RALGAPA2: variants seen among roughly 807,000 people sequenced by gnomAD.
RALGAPA2 encodes Ral GTPase activating protein catalytic subunit alpha 2.
RALGAPA2 carries 139 observed loss-of-function variants against 230.4 expected under a neutral mutation model. The ratio of observed to expected loss-of-function variants is 0.60; its 90% CI spans 0.53 to 0.69. The LOEUF (loss-of-function observed/expected upper bound fraction) is 0.69, where lower values mean the gene tolerates loss of function less well. Ranked by LOEUF, RALGAPA2 falls within the 30% of genes least tolerant of loss-of-function variation. The pLI is 0.00. For missense variants in RALGAPA2, 2,163 were observed against 2,276.0 expected (o/e 0.95, Z 1.01); for synonymous variants, 847 against 837.8 (o/e 1.01, Z -0.19).
At chr20:20,490,733 GCCTCCCATGTGCAAA>G (rs960424632) in intron 36 of RALGAPA2, among the ~76,000 whole-genome samples, 4 of 152,112 alleles carry the variant, frequency 2.6e-5, no homozygotes, top group Non-Finnish European at 5.9e-5. Flanking sequence ...GCTCCTCTCA[GCCTCCCATGTGCAAA>G]TGCTCTTGTA....
intron 16 of RALGAPA2, 69 bp downstream of exon 16, chr20:20,601,613 C>A: frequency 6.8e-7 from 1 of 1,472,972 alleles, no homozygotes; most frequent in Non-Finnish European, 9.2e-7. Context: ...ATTTTTAACA[C>A]ACTTTATGCC....
At chr20:20,629,200 T>C (rs1186195460) in intron 10 of RALGAPA2, among the ~76,000 whole-genome samples, 163 bp downstream of exon 10, 1 of 152,146 alleles carries the variant, frequency 6.6e-6, no homozygotes, top group African/African-American at 2.4e-5. Context: ...AATTAAAAGA[T>C]TAGAGGGATC....
intron 37 of RALGAPA2, among the ~76,000 whole-genome samples, chr20:20,422,714 C>G (rs576861948): frequency 2.0e-5 from 3 of 152,334 alleles, no homozygotes; most frequent in African/African-American, 4.8e-5. Flanking sequence ...GCCCTCCAGG[C>G]AGATAGTGGC....
chr20:20,593,606 G>C (rs2065360748), intron 16 of RALGAPA2, among the ~76,000 whole-genome samples: 1 of 152,228 alleles, frequency 6.6e-6, no homozygotes, highest in African/African-American at 2.4e-5. Context: ...AGTATCAGAA[G>C]GGGGAGCCCA....
At chr20:20,529,382 T>C (rs984529544) in intron 27 of RALGAPA2, among the ~76,000 whole-genome samples, 6 of 152,222 alleles carry the variant, frequency 3.9e-5, no homozygotes, top group African/African-American at 7.2e-5. Context: ...TGGTGTCTTA[T>C]ATTTTCCCCC....
At chr20:20,542,167 G>A (rs1405931086) in intron 24 of RALGAPA2, among the ~76,000 whole-genome samples, 2 of 151,952 alleles carry the variant, frequency 1.3e-5, no homozygotes, top group African/African-American at 2.4e-5. Context: ...CAACTGCTAC[G>A]AAGAGAATAA....
chr20:20,458,414 A>G (rs1287059146), intron 37 of RALGAPA2, among the ~76,000 whole-genome samples: 1 of 142,012 alleles, frequency 7.0e-6, no homozygotes, highest in East Asian at 2.1e-4. Context: ...AATATATGTT[A>G]TATATAATAT....
At chr20:20,518,897 C>T (rs544793588) in intron 31 of RALGAPA2, among the ~76,000 whole-genome samples, 14 of 151,926 alleles carry the variant, frequency 9.2e-5, no homozygotes, top group South Asian at 2.1e-4. Context: ...TAGGGAACAA[C>T]GAAATAGATT....
At chr20:20,396,664 C>T in intron 39 of RALGAPA2, 31 bp downstream of exon 39, 1 of 1,587,838 alleles carries the variant, frequency 6.3e-7, no homozygotes. Flanking sequence ...AGCAGGGTGG[C>T]TGGACAAATC....
At chr20:20,626,480 T>G (rs559523517) in intron 10 of RALGAPA2, among the ~76,000 whole-genome samples, 1 of 152,242 alleles carries the variant, frequency 6.6e-6, no homozygotes, top group East Asian at 1.9e-4. Context: ...ACCTCAATGA[T>G]CAAAACTACT....
In RALGAPA2 at chr20:20,495,063, G is replaced by A. The variant is rs185139219; in HGVS notation, c.5367+54C>T. 4.2e-6 allele frequency: 6 copies of A among 1,422,044 alleles called. No individual in the cohort carries two copies. The Admixed American group carries it at 1.2e-4, about 28-fold the overall frequency. The allele number at this position is 1,422,044 out of a possible 1,614,324, so 88.1% of individuals were successfully genotyped here. The stretch of plus-strand genomic sequence containing the variant: ...TGTATCACTGATTTTCAATGACAAT[G>A]AATCACATGGCAAATGCTTTATGAG... On this transcript the variant is annotated intron_variant, in intron 36 of 39. Coordinates refer to ENST00000202677, the MANE Select transcript of RALGAPA2 (RefSeq NM_020343.4).
chr20:20,583,198 C>T lies in RALGAPA2; in HGVS notation c.2559G>A (p.Leu853=). The T allele has an allele frequency of 6.2e-7, 1 of 1,611,868 alleles. No individual in the cohort carries two copies. The change falls in exon 20 of 40, where the codon CTG becomes CTA. Residue 853 remains leucine, a synonymous_variant. Coordinates refer to ENST00000202677, the MANE Select transcript of RALGAPA2 (RefSeq NM_020343.4). The part of the protein sequence containing the change: ...KSESTNSDTT[L]GCTNEAELSM... The stretch of plus-strand genomic sequence containing the variant: ...ACAGCTCTGCCTCATTGGTACAGCC[C>T]AGAGTTGTGTCACTGTTGGTACTTT...
intron 36 of RALGAPA2, among the ~76,000 whole-genome samples, chr20:20,482,492 T>C (rs535030007): frequency 2.0e-5 from 3 of 152,020 alleles, no homozygotes; most frequent in African/African-American, 7.2e-5. Flanking sequence ...TCCAGACAAA[T>C]GGTAAAAATA....
At chr20:20,436,826 G>GACTGCCCAT (rs1297482359) in intron 37 of RALGAPA2, among the ~76,000 whole-genome samples, 3 of 152,254 alleles carry the variant, frequency 2.0e-5, no homozygotes, top group Non-Finnish European at 2.9e-5. Flanking sequence ...CTGCCATTTT[G>GACTGCCCAT]ACTGCCCACT....
intron 24 of RALGAPA2, among the ~76,000 whole-genome samples, chr20:20,543,944 A>AAAAC (rs928449218): frequency 6.6e-6 from 1 of 151,824 alleles, no homozygotes; most frequent in Non-Finnish European, 1.5e-5. Flanking sequence ...AAAAAAAGAA[A>AAAAC]AAACAAACAA....
At chr20:20,556,853 TG>T (rs1482746378) in intron 23 of RALGAPA2, among the ~76,000 whole-genome samples, 1 of 152,078 alleles carries the variant, frequency 6.6e-6, no homozygotes. Context: ...GAGGGAGGGC[TG>T]GGGTAGGAGG....
chr20:20,517,450 C>T (rs975870444), intron 31 of RALGAPA2, among the ~76,000 whole-genome samples: 11 of 152,182 alleles, frequency 7.2e-5, no homozygotes, highest in African/African-American at 2.4e-4. Flanking sequence ...TGTATCTAAC[C>T]ACCTGCTTTA....
At chr20:20,645,273 C>T (rs1603184338) in intron 4 of RALGAPA2, among the ~76,000 whole-genome samples, 2 of 151,928 alleles carry the variant, frequency 1.3e-5, no homozygotes, top group African/African-American at 4.8e-5. Flanking sequence ...TACCACCACG[C>T]CAGGCTATTT....
At chr20:20,574,354 T>C (rs1602885861) in intron 20 of RALGAPA2, among the ~76,000 whole-genome samples, 1 of 152,210 alleles carries the variant, frequency 6.6e-6, no homozygotes, top group Non-Finnish European at 1.5e-5. Flanking sequence ...AGAATGTCTT[T>C]GTAATATATA....
Sources: gnomAD v4.1 joint callset for allele counts (sites outside exome capture counted in the v4.1 genomes callset) on GRCh38, gnomAD v4.1.1 for gene constraint, MANE v1.5 for transcripts, NCBI Gene and HGNC (gene_info 2026-07-23, HGNC 2026-07-21) for gene names.